The following NCKAP5 variants were observed in gnomAD, a reference collection of about 807,000 sequenced individuals.
The protein encoded by NCKAP5 is nck-associated protein 5.
NCKAP5 carries 92 observed loss-of-function variants against 167.0 expected under a neutral mutation model. The observed-to-expected ratio is 0.55, with a 90% CI of 0.47 to 0.66. The LOEUF (loss-of-function observed/expected upper bound fraction) is 0.66, where lower values mean the gene tolerates loss of function less well. Ranked by LOEUF, NCKAP5 falls within the 30% of genes least tolerant of loss-of-function variation. The pLI is 0.00. For missense variants in NCKAP5, 2,378 were observed against 2,315.0 expected (o/e 1.03, Z -0.56); for synonymous variants, 891 against 877.4 (o/e 1.02, Z -0.27).
At chr2:133,530,051 T>C (rs1012257624) in intron 2 of NCKAP5, among the ~76,000 whole-genome samples, 1 of 152,218 alleles carries the variant, frequency 6.6e-6, no homozygotes, top group Admixed American at 6.5e-5. Flanking sequence ...TAAAAGACCA[T>C]TTTCCATATG....
At chr2:132,778,715 G>T (rs1051888767) in intron 15 of NCKAP5, among the ~76,000 whole-genome samples, 4 of 152,086 alleles carry the variant, frequency 2.6e-5, no homozygotes, top group African/African-American at 9.7e-5. Flanking sequence ...GAGCCCTAGT[G>T]GGGGGAAATT....
At chr2:133,260,470 T>G (rs2088845152) in intron 4 of NCKAP5, among the ~76,000 whole-genome samples, 1 of 152,212 alleles carries the variant, frequency 6.6e-6, no homozygotes, top group Non-Finnish European at 1.5e-5. Context: ...AAAAACATTC[T>G]TATTAAAGAT....
At chr2:133,541,355 A>T (rs1686215032) in intron 2 of NCKAP5, among the ~76,000 whole-genome samples, 1 of 152,144 alleles carries the variant, frequency 6.6e-6, no homozygotes, top group African/African-American at 2.4e-5. Flanking sequence ...TGGGAACTAC[A>T]TAAATGAGAA....
intron 16 of NCKAP5, among the ~76,000 whole-genome samples, chr2:132,757,969 A>G (rs1197667951): frequency 6.6e-6 from 1 of 152,236 alleles, no homozygotes; most frequent in Non-Finnish European, 1.5e-5. Context: ...ATGAAGAGGC[A>G]TGAAGAGACA....
At chr2:132,910,265 A>G (rs927003581) in intron 8 of NCKAP5, among the ~76,000 whole-genome samples, 2 of 152,134 alleles carry the variant, frequency 1.3e-5, no homozygotes, top group Non-Finnish European at 2.9e-5. Context: ...GAATCCAATT[A>G]TACTCTTTTA....
chr2:132,838,383 G>A (rs539805991), intron 11 of NCKAP5, among the ~76,000 whole-genome samples: 8 of 152,248 alleles, frequency 5.3e-5, no homozygotes, highest in Admixed American at 3.9e-4. Flanking sequence ...TGTAATCAGA[G>A]CACTTTGGGA....
chr2:132,687,664 G>A (rs1396701807), intron 19 of NCKAP5, among the ~76,000 whole-genome samples: 1 of 146,718 alleles, frequency 6.8e-6, no homozygotes. Flanking sequence ...AAAATGACTA[G>A]GAGAAAGATG....
At chr2:132,765,459 C>T (rs539258317) in intron 16 of NCKAP5, among the ~76,000 whole-genome samples, 34 of 151,754 alleles carry the variant, frequency 2.2e-4, no homozygotes, top group Non-Finnish European at 3.8e-4. Flanking sequence ...TGACTACAGG[C>T]GCGTGGCACC....
At chr2:133,606,069 G>A in the NCKAP5 span, among the ~76,000 whole-genome samples, 97 of 152,234 alleles carry the variant, frequency 6.4e-4, no homozygotes, top group Middle Eastern at 3.4e-3. Flanking sequence ...CAGTGGAAAA[G>A]GCTGTAGTTC....
chr2:132,819,846 G>A (rs567100076), intron 11 of NCKAP5, among the ~76,000 whole-genome samples: 39 of 152,180 alleles, frequency 2.6e-4, no homozygotes, highest in African/African-American at 8.9e-4. Flanking sequence ...TCATTCACAC[G>A]ACAAAACCTG....
the NCKAP5 span, among the ~76,000 whole-genome samples, chr2:133,671,806 T>G: frequency 6.6e-6 from 1 of 152,226 alleles, no homozygotes; most frequent in African/African-American, 2.4e-5. Flanking sequence ...AGCTTTGTGA[T>G]AGTGACAGAG....
chr2:132,877,391 C>T (rs538202919), intron 9 of NCKAP5, among the ~76,000 whole-genome samples: 1 of 152,274 alleles, frequency 6.6e-6, no homozygotes, highest in Admixed American at 6.5e-5. Flanking sequence ...AGTTCTTCAA[C>T]CACATATAAG....
At chr2:133,050,089 T>C (rs2079550096) in intron 6 of NCKAP5, among the ~76,000 whole-genome samples, 1 of 152,242 alleles carries the variant, frequency 6.6e-6, no homozygotes, top group Admixed American at 6.5e-5. Context: ...TTGTTCTTCC[T>C]GGTAATACAA....
intron 3 of NCKAP5, among the ~76,000 whole-genome samples, chr2:133,407,007 C>T (rs1188967648): frequency 6.6e-6 from 1 of 152,194 alleles, no homozygotes; most frequent in Non-Finnish European, 1.5e-5. Context: ...TGTGTCTCAG[C>T]TCTAGCATGG....
Position 132,783,325 on chromosome 2 carries a change from T to C in NCKAP5, c.3486A>G (p.Lys1162=). ...VLMKSPQLLR[K]SSTVPGKHEK... is the part of the protein sequence containing the mutation. ...CATGTTTCCCTGGCACGGTGGAACT[T>C]TTCCTGAGCAGCTGGGGAGACTTCA... is the stretch of plus-strand genomic sequence containing the variant. The change falls in exon 14 of 20, where the codon AAA becomes AAG. Residue 1162 remains lysine, a synonymous_variant. Coordinates refer to ENST00000409261, the MANE Select transcript of NCKAP5 (RefSeq NM_207363.3). 6.2e-7 allele frequency: 1 copy of C among 1,613,868 alleles called. No homozygotes were observed. Among genetic ancestry groups the C allele is most frequent in the Non-Finnish European group, 8.5e-7 (1 of 1,179,868 alleles).
intron 2 of NCKAP5, chr2:133,556,729 C>G (rs1403682472): frequency 6.6e-6 from 1 of 152,136 alleles, no homozygotes; most frequent in Non-Finnish European, 1.5e-5. Context: ...TTTTATTTTG[C>G]TTATTTTGCT....
intron 6 of NCKAP5, among the ~76,000 whole-genome samples, chr2:132,997,342 C>A (rs1369428681): frequency 6.6e-6 from 1 of 152,116 alleles, no homozygotes; most frequent in African/African-American, 2.4e-5. Flanking sequence ...GATTTGTGAC[C>A]ACACATTTAT....
chr2:132,792,799 C>A lies in NCKAP5; in HGVS notation c.910-2594G>T, dbSNP rs753316417. ...TTCCCGCCTGTTCTTCCTACTACTTCTATTAAAATTATACCTATTTTTACA... is the reference window on the plus strand; with the variant it reads ...TTCCCGCCTGTTCTTCCTACTACTTATATTAAAATTATACCTATTTTTACA... On this transcript the variant is annotated intron_variant, in intron 12 of 19. Transcript: ENST00000409261. Among the ~76,000 whole-genome samples the A allele has an allele frequency of 1.8e-4, 27 of 152,204 alleles. 1 individual carries two copies. Among genetic ancestry groups the A allele is most frequent in the Non-Finnish European group, 2.8e-4 (19 of 68,038 alleles).
intron 4 of NCKAP5, among the ~76,000 whole-genome samples, chr2:133,271,772 T>A (rs192285011): frequency 3.4e-4 from 52 of 152,320 alleles, no homozygotes; most frequent in Non-Finnish European, 6.2e-4. Flanking sequence ...TGGTATTAGC[T>A]GATATAATAG....
Sources: gnomAD v4.1 joint callset for allele counts (sites outside exome capture counted in the v4.1 genomes callset) on GRCh38, gnomAD v4.1.1 for gene constraint, MANE v1.5 for transcripts, NCBI Gene and HGNC (gene_info 2026-07-23, HGNC 2026-07-21) for gene names.